Variants in CAPSL observed in about 807,000 individuals in gnomAD.
The protein encoded by CAPSL is calcyphosin-like protein.
A neutral mutation model predicts 21.3 loss-of-function variants in CAPSL; 17 were observed. The ratio of observed to expected loss-of-function variants is 0.80; its 90% CI spans 0.55 to 1.20. CAPSL has a LOEUF of 1.20. Ranked by LOEUF, CAPSL falls within the 50% of genes most tolerant of loss-of-function variation. The pLI, the probability that CAPSL is intolerant of heterozygous loss-of-function variation, is 0.00. For synonymous variants in CAPSL, 102 were observed against 89.3 expected (o/e 1.14, Z -0.80); for missense variants, 289 against 259.3 (o/e 1.11, Z -0.79).
At chr5:35,914,738 A>C (rs1440121644) in intron 2 of CAPSL, among the ~76,000 whole-genome samples, 3 of 152,336 alleles carry the variant, frequency 2.0e-5, no homozygotes, top group Admixed American at 2.0e-4. Context: ...ATAGCACTAA[A>C]TGTCCACAAG....
chr5:35,920,585 G>A (rs929884572), intron 2 of CAPSL, among the ~76,000 whole-genome samples: 31 of 152,290 alleles, frequency 2.0e-4, no homozygotes, highest in African/African-American at 6.0e-4. Context: ...ATGATTGCCC[G>A]AGAGCAAAAT....
chr5:35,929,353 C>A (rs1243614017), intron 1 of CAPSL, among the ~76,000 whole-genome samples: 1 of 146,514 alleles, frequency 6.8e-6, no homozygotes, highest in Non-Finnish European at 1.5e-5. Context: ...GGTGCGTTCT[C>A]AGCTCACTGC....
intron 1 of CAPSL, among the ~76,000 whole-genome samples, chr5:35,928,816 A>G (rs1277169002): frequency 6.6e-6 from 1 of 152,156 alleles, no homozygotes; most frequent in Non-Finnish European, 1.5e-5. Flanking sequence ...TGAAGTTGAG[A>G]AGCCCTGATA....
Position 35,910,522 on chromosome 5 carries a change from G to T in CAPSL, c.159C>A (p.Asp53Glu). Residue 53 changes from aspartate to glutamate, a missense_variant, in exon 3 of 5, where the codon GAC (aspartate) becomes GAA (glutamate). Coordinates refer to ENST00000651391, the MANE Select transcript of CAPSL (RefSeq NM_001042625.2). ...GLGRVFRIMD[D>E]DNNRTLDFKE... The stretch of plus-strand genomic sequence containing the variant: ...TAAAATCAAGGGTTCGATTATTATC[G>T]TCATCCATAATTCTAAACACTCTGA... The T allele has an allele frequency of 6.2e-7, 1 of 1,601,732 alleles. No individual in the cohort carries two copies.
At chr5:35,916,867 C>T (rs9765078) in intron 2 of CAPSL, among the ~76,000 whole-genome samples, 41 of 152,016 alleles carry the variant, frequency 2.7e-4, no homozygotes, top group Middle Eastern at 6.8e-3. Flanking sequence ...GGACAAATGG[C>T]ATCTAATTAA....
intron 1 of CAPSL, among the ~76,000 whole-genome samples, chr5:35,934,565 A>G (rs987457360): frequency 6.6e-6 from 1 of 152,196 alleles, no homozygotes; most frequent in Non-Finnish European, 1.5e-5. Flanking sequence ...AGAGGAGAGG[A>G]GGAGATAGAG....
At chr5:35,912,446 T>A (rs542896324) in intron 2 of CAPSL, among the ~76,000 whole-genome samples, 3 of 152,256 alleles carry the variant, frequency 2.0e-5, no homozygotes, top group East Asian at 3.9e-4. Flanking sequence ...GTAGCCTAAC[T>A]GGGAGGCACC....
At chr5:35,924,643 C>A (rs1738626509) in intron 1 of CAPSL, among the ~76,000 whole-genome samples, 1 of 152,144 alleles carries the variant, frequency 6.6e-6, no homozygotes. Context: ...ATTGAATCAC[C>A]CAGTTCACCA....
chr5:35,909,023 G>A (rs970252763), intron 4 of CAPSL, among the ~76,000 whole-genome samples: 2 of 151,976 alleles, frequency 1.3e-5, no homozygotes, highest in Non-Finnish European at 2.9e-5. Context: ...TGTTACTCAA[G>A]GGACAATCCC....
intron 1 of CAPSL, among the ~76,000 whole-genome samples, chr5:35,932,688 G>C (rs563895836): frequency 1.8e-4 from 28 of 152,332 alleles, no homozygotes; most frequent in African/African-American, 6.7e-4. Context: ...GTAAGAGTGT[G>C]AGCATGTCTA....
intron 2 of CAPSL, 46 bp downstream of exon 2, chr5:35,920,938 T>C: frequency 1.3e-6 from 2 of 1,594,606 alleles, no homozygotes; most frequent in South Asian, 1.1e-5. Flanking sequence ...CCTGGCAGAG[T>C]CATTCCTTCC....
At chr5:35,925,267 G>A (rs1188118162) in intron 1 of CAPSL, among the ~76,000 whole-genome samples, 2 of 152,214 alleles carry the variant, frequency 1.3e-5, no homozygotes, top group African/African-American at 4.8e-5. Flanking sequence ...ACAAGAGGAC[G>A]GGAGGCTTAC....
chr5:35,911,103 C>T (rs1413131914), intron 2 of CAPSL, among the ~76,000 whole-genome samples: 1 of 152,052 alleles, frequency 6.6e-6, no homozygotes, highest in Non-Finnish European at 1.5e-5. Context: ...AAAAGAAATC[C>T]CTACATCCAT....
intron 2 of CAPSL, among the ~76,000 whole-genome samples, chr5:35,920,723 C>T (rs566438552): frequency 1.3e-5 from 2 of 152,358 alleles, no homozygotes; most frequent in South Asian, 2.1e-4. Context: ...AGGGCACATG[C>T]TGCTTCTCCC....
At chr5:35,917,601 C>T (rs942446451) in intron 2 of CAPSL, among the ~76,000 whole-genome samples, 1 of 152,086 alleles carries the variant, frequency 6.6e-6, no homozygotes, top group African/African-American at 2.4e-5. Context: ...TCATTCTCAG[C>T]AAACTATTGC....
chr5:35,935,728 C>T (rs1239794693), intron 1 of CAPSL, among the ~76,000 whole-genome samples: 2 of 151,698 alleles, frequency 1.3e-5, no homozygotes, highest in Admixed American at 6.6e-5. Flanking sequence ...AGACTTTTGG[C>T]CCTACATTTT....
chr5:35,912,613 C>A (rs1475215986), intron 2 of CAPSL, among the ~76,000 whole-genome samples: 1 of 152,202 alleles, frequency 6.6e-6, no homozygotes, highest in African/African-American at 2.4e-5. Flanking sequence ...CTGGAGTGGA[C>A]CTCCAGCAAA....
chr5:35,937,123 G>A (rs774621953), intron 1 of CAPSL, among the ~76,000 whole-genome samples: 1 of 152,138 alleles, frequency 6.6e-6, no homozygotes, highest in Non-Finnish European at 1.5e-5. Flanking sequence ...ACTCAGCCTA[G>A]GACATGGTCA....
chr5:35,928,101 C>A (rs1245244705), intron 1 of CAPSL, among the ~76,000 whole-genome samples: 1 of 152,166 alleles, frequency 6.6e-6, no homozygotes, highest in African/African-American at 2.4e-5. Flanking sequence ...GTACCTTGAA[C>A]TATGGATCCT....
Sources: gnomAD v4.1 joint callset for allele counts (sites outside exome capture counted in the v4.1 genomes callset) on GRCh38, gnomAD v4.1.1 for gene constraint, MANE v1.5 for transcripts, NCBI Gene and HGNC (gene_info 2026-07-23, HGNC 2026-07-21) for gene names.